Variants in ARHGAP15 observed in about 807,000 individuals in gnomAD.
ARHGAP15 encodes the protein Rho GTPase activating protein 15.
A neutral mutation model predicts 63.7 loss-of-function variants in ARHGAP15; 51 were observed. That is an observed-to-expected ratio of 0.80 (90% CI 0.64 to 1.01). The LOEUF is 1.01. ARHGAP15 is among the 50% of genes least tolerant of loss of function. The pLI is 0.00. For missense variants in ARHGAP15, 560 were observed against 564.6 expected, an observed-to-expected ratio of 0.99 and a Z score of 0.08; for synonymous variants, 191 against 193.8, an observed-to-expected ratio of 0.99 and a Z score of 0.12.
intron 12 of ARHGAP15, among the ~76,000 whole-genome samples, chr2:143,679,909 C>A (rs1288148003): frequency 1.3e-5 from 2 of 150,686 alleles, no homozygotes; most frequent in Non-Finnish European, 2.9e-5. Flanking sequence ...CTGTTCATAG[C>A]AAATTATGTT....
At chr2:143,416,424 T>G (rs562624857) in intron 6 of ARHGAP15, among the ~76,000 whole-genome samples, 99 of 152,310 alleles carry the variant, frequency 6.5e-4, no homozygotes, top group Admixed American at 3.9e-3. Flanking sequence ...AATTAGAGTT[T>G]CTGTCCTCAT....
intron 12 of ARHGAP15, among the ~76,000 whole-genome samples, chr2:143,657,792 C>G (rs13432842): frequency 0.022 from 3,336 of 152,254 alleles, 134 homozygotes; most frequent in African/African-American, 0.077. Context: ...TCTCTCCCCT[C>G]CTGATTTGAT....
intron 8 of ARHGAP15, among the ~76,000 whole-genome samples, chr2:143,469,631 G>T (rs1199767244): frequency 6.6e-6 from 1 of 152,084 alleles, no homozygotes; most frequent in Non-Finnish European, 1.5e-5. Flanking sequence ...TTTGAAACGT[G>T]GCTAGACTGA....
At chr2:143,661,376 G>A (rs1308190653) in intron 12 of ARHGAP15, among the ~76,000 whole-genome samples, 2 of 152,098 alleles carry the variant, frequency 1.3e-5, no homozygotes, top group Non-Finnish European at 2.9e-5. Context: ...ATAAACACTT[G>A]AAATGTGACA....
chr2:143,389,071 G>C (rs965821498), intron 6 of ARHGAP15, among the ~76,000 whole-genome samples: 1 of 144,956 alleles, frequency 6.9e-6, no homozygotes, highest in Non-Finnish European at 1.5e-5. Context: ...AAAAGGAGTA[G>C]CTTAATATTT....
chr2:143,271,512 G>A (rs1681278889), intron 6 of ARHGAP15, among the ~76,000 whole-genome samples: 1 of 152,236 alleles, frequency 6.6e-6, no homozygotes, highest in South Asian at 2.1e-4. Flanking sequence ...GTCTCGCTCT[G>A]TCGCCCAGGC....
intron 6 of ARHGAP15, among the ~76,000 whole-genome samples, chr2:143,414,258 T>C (rs1184465972): frequency 6.6e-6 from 1 of 151,520 alleles, no homozygotes; most frequent in Non-Finnish European, 1.5e-5. Context: ...TGAAGCAGAT[T>C]TGATCAATAA....
At chr2:143,601,898 T>C (rs1574690754) in intron 11 of ARHGAP15, among the ~76,000 whole-genome samples, 2 of 152,220 alleles carry the variant, frequency 1.3e-5, no homozygotes, top group African/African-American at 4.8e-5. Flanking sequence ...GCTTACCTTT[T>C]TTACAAGATA....
chr2:143,211,311 T>C (rs1692551277), intron 3 of ARHGAP15, among the ~76,000 whole-genome samples: 1 of 131,282 alleles, frequency 7.6e-6, no homozygotes, highest in African/African-American at 2.9e-5. Context: ...ATAAGGTAGA[T>C]ATTTCTATGA....
At chr2:143,415,961 T>G (rs1243098862) in intron 6 of ARHGAP15, among the ~76,000 whole-genome samples, 1 of 151,968 alleles carries the variant, frequency 6.6e-6, no homozygotes, top group African/African-American at 2.4e-5. Flanking sequence ...CAATGGACTT[T>G]GGGGACTCAA....
chr2:143,143,095 TA>T (rs1689436166), intron 1 of ARHGAP15, among the ~76,000 whole-genome samples: 1 of 152,100 alleles, frequency 6.6e-6, no homozygotes, highest in African/African-American at 2.4e-5. Context: ...TGGAACCTAT[TA>T]GTTATATCAC....
intron 11 of ARHGAP15, among the ~76,000 whole-genome samples, chr2:143,615,124 G>A (rs1213047683): frequency 6.6e-6 from 1 of 152,110 alleles, no homozygotes; most frequent in Non-Finnish European, 1.5e-5. Flanking sequence ...TTACTCCCAT[G>A]AATCCAACTA....
chr2:143,611,762 CA>C (rs1316674758), intron 11 of ARHGAP15, among the ~76,000 whole-genome samples: 4 of 152,122 alleles, frequency 2.6e-5, no homozygotes, highest in Admixed American at 1.3e-4. Context: ...TATCAAAAAA[CA>C]AACTGAACAA....
chr2:143,688,038 C>G (rs1683427857), intron 12 of ARHGAP15, among the ~76,000 whole-genome samples: 1 of 152,118 alleles, frequency 6.6e-6, no homozygotes, highest in Admixed American at 6.5e-5. Flanking sequence ...AAAAATTACT[C>G]TAACAATAAC....
At chr2:143,583,029 C>T (rs1696971445) in intron 11 of ARHGAP15, among the ~76,000 whole-genome samples, 1 of 152,160 alleles carries the variant, frequency 6.6e-6, no homozygotes. Flanking sequence ...GATGAGTGTA[C>T]ATTGGCTACG....
intron 4 of ARHGAP15, among the ~76,000 whole-genome samples, chr2:143,218,866 T>C (rs992304035): frequency 1.4e-4 from 21 of 152,214 alleles, no homozygotes; most frequent in African/African-American, 4.6e-4. Context: ...TATTTGTGTA[T>C]CTAAACATAC....
At chr2:143,519,154 A>ATAGGG in intron 9 of ARHGAP15, 112 bp from the exon 10 acceptor site, 1 of 775,176 alleles carries the variant, frequency 1.3e-6, no homozygotes, top group Non-Finnish European at 2.1e-6. Context: ...AGCAAAAAAA[A>ATAGGG]AATCTTATGC....
intron 12 of ARHGAP15, among the ~76,000 whole-genome samples, chr2:143,662,029 A>G (rs1467300197): frequency 6.6e-6 from 1 of 152,214 alleles, no homozygotes; most frequent in African/African-American, 2.4e-5. Flanking sequence ...GCTTAGGTAA[A>G]CATAGCAGCC....
intron 6 of ARHGAP15, among the ~76,000 whole-genome samples, chr2:143,349,131 G>A (rs1203615931): frequency 6.6e-6 from 1 of 152,118 alleles, no homozygotes; most frequent in Non-Finnish European, 1.5e-5. Flanking sequence ...ATTGTTGGAA[G>A]TTGTTCAGAA....
Sources: allele counts gnomAD v4.1 joint callset (sites outside exome capture counted in the v4.1 genomes callset), GRCh38; gene constraint gnomAD v4.1.1; transcripts MANE v1.5; gene names NCBI Gene and HGNC (gene_info 2026-07-23, HGNC 2026-07-21).